NAV3: variants seen among roughly 807,000 people sequenced by gnomAD.
NAV3 encodes the protein pore membrane and/or filament interacting like protein 1.
A neutral mutation model predicts 244.7 loss-of-function variants in NAV3; 87 were observed. The ratio of observed to expected loss-of-function variants is 0.36; its 90% CI spans 0.30 to 0.42. The LOEUF (loss-of-function observed/expected upper bound fraction) is 0.42, where lower values mean the gene tolerates loss of function less well. Among genes scored for constraint, NAV3 ranks in the 20% least tolerant of loss-of-function variants. NAV3 has a pLI of 1.00. For synonymous variants in NAV3, 1,126 were observed against 1,042.2 expected (o/e 1.08, Z -1.55); for missense variants, 2,663 against 2,893.3 (o/e 0.92, Z 1.83).
intron 2 of NAV3, among the ~76,000 whole-genome samples, chr12:77,682,240 G>A (rs1874507468): frequency 2.6e-5 from 4 of 152,014 alleles, no homozygotes; most frequent in Non-Finnish European, 1.5e-5. Context: ...ACATATGAAT[G>A]AGATCATGTG....
At chr12:77,846,351 G>C (rs902279460) in intron 1 of NAV3, among the ~76,000 whole-genome samples, 1 of 152,120 alleles carries the variant, frequency 6.6e-6, no homozygotes, top group Non-Finnish European at 1.5e-5. Flanking sequence ...GAAATAGTGA[G>C]GATAATATAT....
Position 77,870,219 on chromosome 12 carries a change from C to T in NAV3, c.243+38515C>T, listed in dbSNP as rs558531254. On this transcript the variant is annotated intron_variant, in intron 1 of 39. Coordinates refer to ENST00000397909, the MANE Select transcript of NAV3 (RefSeq NM_001024383.2). ...GTCTCAACTAAAAATACAAAAATTA[C>T]CTCAGTATGTTGGCGCGCGCCTGTA... is the stretch of plus-strand genomic sequence containing the variant. Among the ~76,000 whole-genome samples, 16 of 151,608 alleles carry T rather than the reference C, an allele frequency of 1.1e-4. No individual in the cohort carries two copies. The East Asian group carries it at 2.9e-3, about 28-fold the overall frequency.
chr12:77,856,907 G>A (rs117242286), intron 1 of NAV3, among the ~76,000 whole-genome samples: 1,815 of 152,136 alleles, frequency 0.012, 19 homozygotes, highest in South Asian at 0.023. Context: ...TTAGACTTTG[G>A]ACAACGGAAG....
intron 2 of NAV3, among the ~76,000 whole-genome samples, chr12:77,696,932 C>A (rs146469323): frequency 6.6e-6 from 1 of 152,250 alleles, no homozygotes; most frequent in Non-Finnish European, 1.5e-5. Flanking sequence ...GCTTCTATAG[C>A]AGTACCTGTT....
At chr12:77,858,102 G>C (rs1878672416) in intron 1 of NAV3, among the ~76,000 whole-genome samples, 1 of 152,064 alleles carries the variant, frequency 6.6e-6, no homozygotes, top group Non-Finnish European at 1.5e-5. Flanking sequence ...AGAGTTCCAA[G>C]GGAGTTAGGA....
chr12:77,646,184 C>T (rs1592535897), intron 2 of NAV3, among the ~76,000 whole-genome samples: 1 of 152,244 alleles, frequency 6.6e-6, no homozygotes, highest in East Asian at 1.9e-4. Context: ...AATGAGAGAA[C>T]TCACTCTCAT....
intron 27 of NAV3, 42 bp from the exon 28 acceptor site, chr12:78,177,578 G>T: frequency 6.5e-7 from 1 of 1,538,816 alleles, no homozygotes; most frequent in Non-Finnish European, 8.8e-7. Flanking sequence ...TTCTTTTCAT[G>T]GGCATTTGTC....
At chr12:77,748,053 A>G (rs200441001) in intron 2 of NAV3, among the ~76,000 whole-genome samples, 2 of 152,224 alleles carry the variant, frequency 1.3e-5, no homozygotes, top group East Asian at 3.8e-4. Context: ...AAATAAAAAA[A>G]ATTGATTTTA....
chr12:78,198,941 A>G, intron 36 of NAV3: 1 of 455,178 alleles, frequency 2.2e-6, no homozygotes. Flanking sequence ...AAAGGAAAGA[A>G]AAAAGAAAAG....
At chr12:77,640,496 T>C (rs1028095595) in intron 2 of NAV3, among the ~76,000 whole-genome samples, 3 of 152,176 alleles carry the variant, frequency 2.0e-5, no homozygotes, top group Non-Finnish European at 4.4e-5. Context: ...TTTTAAAGGA[T>C]TATGCATATA....
chr12:78,035,274 A>G (rs996644492), intron 9 of NAV3, among the ~76,000 whole-genome samples: 3 of 152,130 alleles, frequency 2.0e-5, no homozygotes, highest in African/African-American at 7.2e-5. Context: ...ATCTCTGCAT[A>G]TTTCTCCATT....
At chr12:77,699,566 G>C (rs796393) in intron 2 of NAV3, among the ~76,000 whole-genome samples, 132,398 of 152,002 alleles carry the variant, frequency 0.87, 58,618 homozygotes, top group East Asian at 1. Flanking sequence ...CTGGGGGAAG[G>C]AATCATCTAG....
intron 1 of NAV3, among the ~76,000 whole-genome samples, chr12:77,844,779 A>T (rs1488926161): frequency 7.2e-5 from 11 of 152,190 alleles, no homozygotes; most frequent in Admixed American, 7.2e-4. Flanking sequence ...TGTAGAGTAT[A>T]TGTTGCATAC....
intron 2 of NAV3, among the ~76,000 whole-genome samples, chr12:77,786,282 ATTAT>A (rs1251732037): frequency 6.6e-6 from 1 of 152,148 alleles, no homozygotes; most frequent in Non-Finnish European, 1.5e-5. Flanking sequence ...GAACACTGAT[ATTAT>A]TTGTTTTTTT....
At chr12:77,617,724 G>T (rs1871197362) in intron 2 of NAV3, among the ~76,000 whole-genome samples, 1 of 152,058 alleles carries the variant, frequency 6.6e-6, no homozygotes, top group Admixed American at 6.6e-5. Context: ...GATTGGTGTG[G>T]GTAAGATAGA....
At chr12:77,626,295 A>G (rs1389284567) in intron 2 of NAV3, among the ~76,000 whole-genome samples, 1 of 152,130 alleles carries the variant, frequency 6.6e-6, no homozygotes, top group Non-Finnish European at 1.5e-5. Context: ...GACATGATAT[A>G]TGACATATGG....
At chr12:77,921,107 C>T (rs1173070107) in intron 1 of NAV3, among the ~76,000 whole-genome samples, 2 of 151,960 alleles carry the variant, frequency 1.3e-5, no homozygotes, top group Non-Finnish European at 2.9e-5. Context: ...GTGAAATATT[C>T]AACAGACTTT....
chr12:77,814,065 T>G (rs1872423457), intron 2 of NAV3, among the ~76,000 whole-genome samples: 1 of 152,110 alleles, frequency 6.6e-6, no homozygotes, highest in South Asian at 2.1e-4. Context: ...TCAGAGGCTC[T>G]GGGGTGCGGA....
chr12:77,906,149 A>G (rs1452822551), intron 1 of NAV3, among the ~76,000 whole-genome samples: 2 of 152,170 alleles, frequency 1.3e-5, no homozygotes, highest in African/African-American at 4.8e-5. Context: ...CTTGCAAAGA[A>G]AACCAATTTC....
Sources: gnomAD v4.1 joint callset for allele counts (sites outside exome capture counted in the v4.1 genomes callset) on GRCh38, gnomAD v4.1.1 for gene constraint, MANE v1.5 for transcripts, NCBI Gene and HGNC (gene_info 2026-07-23, HGNC 2026-07-21) for gene names.